Variants in TEX29 observed in about 807,000 individuals in gnomAD.
TEX29 encodes the protein testis expressed 29.
TEX29 carries 26 observed loss-of-function variants against 18.2 expected under a neutral mutation model. That is an observed-to-expected ratio of 1.43 (90% CI 1.04 to 1.98). The LOEUF is 1.98. Among genes scored for constraint, TEX29 ranks in the 30% most tolerant of loss-of-function variants. The pLI is 0.00. For synonymous variants in TEX29, 83 were observed against 78.5 expected, an observed-to-expected ratio of 1.06 and a Z score of -0.31; for missense variants, 177 against 194.2, an observed-to-expected ratio of 0.91 and a Z score of 0.53.
chr13:111,320,394 G>A (rs932287367), upstream of TEX29, among the ~76,000 whole-genome samples: 1 of 152,250 alleles, frequency 6.6e-6, no homozygotes, highest in Non-Finnish European at 1.5e-5. Flanking sequence ...CACAGGCTTG[G>A]TGGGCAAGGG....
chr13:111,327,108 C>T (rs1047380132), intron 2 of TEX29, among the ~76,000 whole-genome samples: 1 of 152,214 alleles, frequency 6.6e-6, no homozygotes, highest in Non-Finnish European at 1.5e-5. Context: ...CACACACAGC[C>T]ACCCCATGCA....
intron 3 of TEX29, among the ~76,000 whole-genome samples, chr13:111,330,729 T>C (rs1757901477): frequency 6.6e-6 from 1 of 152,218 alleles, no homozygotes; most frequent in Non-Finnish European, 1.5e-5. Flanking sequence ...AGTCGTGTCC[T>C]ATCCTTCCCT....
At chr13:111,330,362 G>A (rs371811043) in intron 3 of TEX29, among the ~76,000 whole-genome samples, 4 of 152,246 alleles carry the variant, frequency 2.6e-5, no homozygotes, top group Non-Finnish European at 5.9e-5. Context: ...ATGAATTTTC[G>A]CTCCTCAGAG....
At chr13:111,316,238 G>A (rs748288325), upstream of TEX29, 1 of 506,368 alleles carries the variant, frequency 2.0e-6, no homozygotes. Context: ...AGGAAGACAG[G>A]AAGTAACAGT....
chr13:111,331,995 C>A (rs35831357), intron 3 of TEX29, among the ~76,000 whole-genome samples: 2 of 152,100 alleles, frequency 1.3e-5, no homozygotes, highest in African/African-American at 2.4e-5. Flanking sequence ...AGTGCTTCAA[C>A]TTTGTTCTTC....
At chr13:111,330,319 C>T (rs891516993) in intron 3 of TEX29, among the ~76,000 whole-genome samples, 3 of 152,144 alleles carry the variant, frequency 2.0e-5, no homozygotes, top group African/African-American at 2.4e-5. Flanking sequence ...TGTCCTGCTT[C>T]GTGGTGAGGA....
At chr13:111,321,592 T>C (rs1165841208) in intron 2 of TEX29, among the ~76,000 whole-genome samples, 1 of 151,684 alleles carries the variant, frequency 6.6e-6, no homozygotes, top group African/African-American at 2.4e-5. Context: ...CTTGTGTTCA[T>C]GCAATGCTTT....
chr13:111,330,038 C>CA lies in TEX29; in HGVS notation c.169+1746dup, dbSNP rs35773694. The stretch of plus-strand genomic sequence containing the variant: ...AGACCATGGTGTTGCAAAGAAAGTA[C>CA]ATTTCAAGGCTATATTTTAAGACTA... On this transcript the variant is annotated intron_variant, in intron 3 of 5. Transcript: ENST00000283547. 4.2e-3 allele frequency among the ~76,000 whole-genome samples: 638 copies of CA among 150,678 alleles called. 5 individuals are homozygous for CA. The highest frequency in any genetic ancestry group is 0.015 in the African/African-American group (593 of 40,078).
intron 3 of TEX29, among the ~76,000 whole-genome samples, chr13:111,330,465 C>T (rs2093680984): frequency 6.6e-6 from 1 of 152,204 alleles, no homozygotes; most frequent in South Asian, 2.1e-4. Flanking sequence ...AGACTCGGGA[C>T]CAGACCCCTC....
rs184039522 is a variant in TEX29, at chr13:111,342,741, C to G, written c.240-15C>G. On this transcript the variant is annotated splice_polypyrimidine_tract_variant and intron_variant, in intron 4 of 5. Coordinates refer to ENST00000283547, the MANE Select transcript of TEX29 (RefSeq NM_152324.3). ...TGTAACTTCCCTGACTGTGATAAAACCCTCTTCCCATCAGAGTCATTCAGG... is the reference window on the plus strand; with the variant it reads ...TGTAACTTCCCTGACTGTGATAAAAGCCTCTTCCCATCAGAGTCATTCAGG... 3.1e-6 allele frequency: 5 copies of G among 1,611,716 alleles called. No individual in the cohort carries two copies. In the South Asian group the frequency reaches 5.5e-5, roughly 18 times the overall value.
intron 3 of TEX29, among the ~76,000 whole-genome samples, chr13:111,332,523 C>T (rs1181312143): frequency 6.6e-6 from 1 of 151,646 alleles, no homozygotes; most frequent in East Asian, 1.9e-4. Flanking sequence ...CCTTTTAGTT[C>T]ATTTTCTTGC....
intron 2 of TEX29, among the ~76,000 whole-genome samples, chr13:111,325,883 T>C (rs1236272278): frequency 6.6e-6 from 1 of 152,272 alleles, no homozygotes; most frequent in Non-Finnish European, 1.5e-5. Flanking sequence ...AGTGGCATAT[T>C]TCCTGCCCAG....
chr13:111,330,071 C>T (rs771762033), intron 3 of TEX29, among the ~76,000 whole-genome samples: 2 of 151,882 alleles, frequency 1.3e-5, no homozygotes. Context: ...CTAAGGAGAA[C>T]AAAAGTTTTT....
At position 111,320,986 on chromosome 13, in the gene TEX29, G is replaced by T. The variant is rs751900665; in HGVS notation, c.58+38G>T. ...GGCGCCAGGGGGGCGGGTGGGGTGG[G>T]GGAGCAGTTGGGGGGGGGCACAGGG... On this transcript the variant is annotated intron_variant, in intron 2 of 5. Coordinates refer to ENST00000283547, the MANE Select transcript of TEX29 (RefSeq NM_152324.3). 3 of 527,194 alleles carry T rather than the reference G, an allele frequency of 5.7e-6. No homozygotes were observed. The East Asian group carries it at 1.5e-4, about 26-fold the overall frequency. The allele number at this position is 527,194 out of a possible 1,614,324, so 32.7% of individuals were successfully genotyped here.
chr13:111,332,432 A>G (rs551858140), intron 3 of TEX29, among the ~76,000 whole-genome samples: 2 of 152,102 alleles, frequency 1.3e-5, no homozygotes, highest in South Asian at 4.2e-4. Flanking sequence ...TTAGTTTTCT[A>G]GTTGATTCCT....
chr13:111,319,981 A>T (rs1299828800), upstream of TEX29, among the ~76,000 whole-genome samples: 1 of 152,166 alleles, frequency 6.6e-6, no homozygotes, highest in African/African-American at 2.4e-5. Flanking sequence ...CTTTGCTCAG[A>T]ATAAAGGCCA....
intron 3 of TEX29, among the ~76,000 whole-genome samples, chr13:111,330,857 C>T (rs758044204): frequency 2.6e-5 from 4 of 152,134 alleles, no homozygotes; most frequent in Non-Finnish European, 2.9e-5. Flanking sequence ...AAGGTTCGTT[C>T]GTGTTGTAGT....
chr13:111,320,703 G>T lies in TEX29; in HGVS notation c.-94G>T. ...GTTTTACCTAAAAGGTGTTTTCCAC[G>T]TGGAGTGGGACTGAGAGGCACAGGT... On this transcript the variant is annotated 5_prime_UTR_variant, in exon 1 of 6. Transcript: ENST00000283547. The T allele has an allele frequency of 4.4e-6, 3 of 680,370 alleles. No homozygotes were observed. The highest frequency in any genetic ancestry group is 8.0e-6 in the Non-Finnish European group (3 of 376,564). The allele number at this position is 680,370 out of a possible 1,614,324, so 42.1% of individuals were successfully genotyped here.
intron 2 of TEX29, among the ~76,000 whole-genome samples, chr13:111,327,556 C>G (rs1388736506): frequency 6.6e-6 from 1 of 152,166 alleles, no homozygotes; most frequent in African/African-American, 2.4e-5. Context: ...CCCAGTCCCT[C>G]GGTGGCCCAT....
Sources: allele counts gnomAD v4.1 joint callset (sites outside exome capture counted in the v4.1 genomes callset), GRCh38; gene constraint gnomAD v4.1.1; transcripts MANE v1.5; gene names NCBI Gene and HGNC (gene_info 2026-07-23, HGNC 2026-07-21).